DSCAM: variants seen among roughly 807,000 people sequenced by gnomAD.
DSCAM encodes cell adhesion molecule DSCAM.
Under a neutral mutation model 217.7 loss-of-function variants are expected in DSCAM, and 47 were observed. The observed-to-expected ratio is 0.22, with a 90% CI of 0.17 to 0.28. DSCAM has a LOEUF of 0.28. Among genes scored for constraint, DSCAM ranks in the 10% least tolerant of loss-of-function variants. The probability of loss-of-function intolerance (pLI) is 1.00; values close to 1 mark genes in which losing one functional copy is unlikely to be tolerated. For synonymous variants in DSCAM, 1,056 were observed against 1,015.3 expected (o/e 1.04, Z -0.76); for missense variants, 2,080 against 2,618.3 (o/e 0.79, Z 4.49).
rs1271590517 is a variant in DSCAM at position 40,518,527 on chromosome 21, TTTA to T, written c.509-149285_509-149283del. 6.2e-3 allele frequency among the ~76,000 whole-genome samples: 255 copies of T among 40,810 alleles called. 23 individuals carry two copies. Among genetic ancestry groups the T allele is most frequent in the East Asian group, 0.014 (14 of 998 alleles). 26.8% of individuals were successfully genotyped at this position (40,810 alleles called of 152,430 possible). A position where few individuals can be genotyped will look rare whatever the true frequency, so the allele number is the denominator to read the frequency against. ...TATATATAATATATATAATATATAT[TTTA>T]TATATATATATGTACACACACATAT... is the stretch of plus-strand genomic sequence containing the variant. On this transcript the variant is annotated intron_variant, in intron 3 of 32. Transcript: ENST00000400454.
chr21:40,539,161 G>C (rs11700548), intron 3 of DSCAM, among the ~76,000 whole-genome samples: 35,872 of 152,032 alleles, frequency 0.24, 5,048 homozygotes, highest in East Asian at 0.39. Context: ...CCAGACCCCA[G>C]ATGTCCACAC....
intron 8 of DSCAM, among the ~76,000 whole-genome samples, chr21:40,324,122 AAAAAAAAAAG>A (rs2074291353): frequency 6.9e-6 from 1 of 143,938 alleles, no homozygotes; most frequent in African/African-American, 2.7e-5. Flanking sequence ...AAAAAAAAAA[AAAAAAAAAAG>A]AAAAAAAAAA....
intron 3 of DSCAM, among the ~76,000 whole-genome samples, chr21:40,544,124 A>G (rs1048165745): frequency 2.0e-5 from 3 of 152,140 alleles, no homozygotes; most frequent in Admixed American, 1.3e-4. Flanking sequence ...AGGAGTCAGG[A>G]GGGCAGGGGA....
chr21:40,046,451 T>C (rs2088841951), intron 30 of DSCAM, among the ~76,000 whole-genome samples: 1 of 145,956 alleles, frequency 6.9e-6, no homozygotes, highest in Admixed American at 6.8e-5. Context: ...AGAATGTAAA[T>C]GAGTTATGTT....
At chr21:40,572,976 C>T (rs2076820065) in intron 3 of DSCAM, among the ~76,000 whole-genome samples, 1 of 152,174 alleles carries the variant, frequency 6.6e-6, no homozygotes, top group Non-Finnish European at 1.5e-5. Flanking sequence ...TCACATGAAA[C>T]ACTTGCTAAG....
At chr21:40,817,835 G>C (rs1038895720) in intron 1 of DSCAM, among the ~76,000 whole-genome samples, 1 of 151,682 alleles carries the variant, frequency 6.6e-6, no homozygotes, top group Non-Finnish European at 1.5e-5. Context: ...GGTGGCTCAC[G>C]CCTGTAATCC....
At chr21:40,431,943 T>C (rs1292763174) in intron 3 of DSCAM, among the ~76,000 whole-genome samples, 1 of 152,196 alleles carries the variant, frequency 6.6e-6, no homozygotes, top group African/African-American at 2.4e-5. Flanking sequence ...CTTATGCCTG[T>C]AGTCCCAGCA....
At chr21:40,369,284 T>C (rs1448123199) in intron 3 of DSCAM, 39 bp from the exon 4 acceptor site, 3 of 1,579,478 alleles carry the variant, frequency 1.9e-6, no homozygotes, top group Non-Finnish European at 2.6e-6. Context: ...TAAAAGACAA[T>C]GAAAGCAACC....
At chr21:40,562,974 AT>A (rs1568907078) in intron 3 of DSCAM, among the ~76,000 whole-genome samples, 1 of 152,192 alleles carries the variant, frequency 6.6e-6, no homozygotes, top group Non-Finnish European at 1.5e-5. Context: ...TTTTATTTCA[AT>A]TTTTATTTTA....
At chr21:40,719,921 A>G (rs1468079323) in intron 1 of DSCAM, among the ~76,000 whole-genome samples, 1 of 152,206 alleles carries the variant, frequency 6.6e-6, no homozygotes, top group Non-Finnish European at 1.5e-5. Context: ...TAACATTTCA[A>G]TTAAAAAATT....
intron 1 of DSCAM, among the ~76,000 whole-genome samples, chr21:40,764,313 ATATT>A (rs1043352141): frequency 6.9e-6 from 1 of 144,378 alleles, no homozygotes; most frequent in Non-Finnish European, 1.5e-5. Flanking sequence ...TCAAAAGAAG[ATATT>A]TATGCCGCCA....
intron 3 of DSCAM, among the ~76,000 whole-genome samples, chr21:40,603,745 C>T (rs2077080230): frequency 6.6e-6 from 1 of 151,976 alleles, no homozygotes; most frequent in Admixed American, 6.6e-5. Context: ...TTGTTCAATA[C>T]TGTACATTTC....
intron 3 of DSCAM, among the ~76,000 whole-genome samples, chr21:40,507,794 AT>A (rs1192744772): frequency 6.6e-6 from 1 of 152,184 alleles, no homozygotes; most frequent in Non-Finnish European, 1.5e-5. Flanking sequence ...TCTCAAAAAA[AT>A]AAATGTATAA....
intron 3 of DSCAM, among the ~76,000 whole-genome samples, chr21:40,570,196 A>C (rs1272510338): frequency 6.6e-6 from 1 of 152,256 alleles, no homozygotes; most frequent in Non-Finnish European, 1.5e-5. Flanking sequence ...CAGTTTGGAA[A>C]GCTGGTTACT....
chr21:40,512,562 A>G (rs2076268017), intron 3 of DSCAM, among the ~76,000 whole-genome samples: 1 of 152,098 alleles, frequency 6.6e-6, no homozygotes, highest in Admixed American at 6.5e-5. Flanking sequence ...GTCTCCATCT[A>G]TTGCCAAGGG....
chr21:40,571,963 A>C (rs2146204717), intron 3 of DSCAM, among the ~76,000 whole-genome samples: 1 of 152,320 alleles, frequency 6.6e-6, no homozygotes, highest in South Asian at 2.1e-4. Context: ...ACATTTCATT[A>C]GGGATGTTCA....
rs534199709 is a variant in DSCAM at position 40,349,070 on chromosome 21, GAGC to G, written c.935-1128_935-1126del. On this transcript the variant is annotated intron_variant, in intron 5 of 32. Transcript: ENST00000400454. ...GAGAATGGTGTGAACCTGGGAAGAG[GAGC>G]TTGCAGTGAGCTGAGATGGCGCCAC... Among the ~76,000 whole-genome samples, 18 of 145,176 alleles carry G rather than the reference GAGC, an allele frequency of 1.2e-4. No homozygotes were observed. The South Asian group carries it at 4.0e-3, about 32-fold the overall frequency.
intron 3 of DSCAM, among the ~76,000 whole-genome samples, chr21:40,647,452 T>C (rs2146352568): frequency 6.6e-6 from 1 of 152,336 alleles, no homozygotes; most frequent in South Asian, 2.1e-4. Context: ...AATGTAAGAT[T>C]TGATGAATTA....
chr21:40,288,248 C>T (rs1481823162), intron 10 of DSCAM, among the ~76,000 whole-genome samples: 3 of 152,050 alleles, frequency 2.0e-5, no homozygotes, highest in Non-Finnish European at 4.4e-5. Context: ...GGAAAGAATG[C>T]AATAAAATTA....
Sources: allele counts gnomAD v4.1 joint callset (sites outside exome capture counted in the v4.1 genomes callset), GRCh38; gene constraint gnomAD v4.1.1; transcripts MANE v1.5; gene names NCBI Gene and HGNC (gene_info 2026-07-23, HGNC 2026-07-21).